The following CDH6 variants were observed in gnomAD, a reference collection of about 807,000 sequenced individuals.
CDH6 encodes cadherin 6.
Under a neutral mutation model 78.0 loss-of-function variants are expected in CDH6, and 31 were observed. The ratio of observed to expected loss-of-function variants is 0.40; its 90% confidence interval spans 0.30 to 0.54. The LOEUF is 0.54. Among genes scored for constraint, CDH6 ranks in the 20% least tolerant of loss-of-function variants. The pLI is 0.56. For synonymous variants in CDH6, 376 were observed against 368.8 expected, an observed-to-expected ratio of 1.02 and a Z score of -0.23; for missense variants, 724 against 975.9, an observed-to-expected ratio of 0.74 and a Z score of 3.44.
chr5:31,301,446 A>T (rs984824101), intron 5 of CDH6, among the ~76,000 whole-genome samples: 3 of 152,146 alleles, frequency 2.0e-5, no homozygotes, highest in African/African-American at 4.8e-5. Context: ...TATTTTTTTT[A>T]AAAAGTGTCT....
intron 1 of CDH6, among the ~76,000 whole-genome samples, chr5:31,240,603 G>A (rs557574852): frequency 1.3e-5 from 2 of 152,204 alleles, no homozygotes; most frequent in East Asian, 1.9e-4. Flanking sequence ...GGAAAACTTC[G>A]CTCTACTCAG....
rs149627430 is a variant in CDH6 at position 31,221,614 on chromosome 5, G to C, written c.-129+27728G>C. On this transcript the variant is annotated intron_variant, in intron 1 of 11. Transcript: ENST00000265071. The stretch of plus-strand genomic sequence containing the variant: ...TCGTGGAAGAAATTGGAAGGAATCA[G>C]AAAGCCTGGCTTAGAGTTATGATGA... 2.6e-3 allele frequency among the ~76,000 whole-genome samples: 403 copies of C among 152,300 alleles called. 5 individuals are homozygous for C. Among genetic ancestry groups the C allele is most frequent in the African/African-American group, 9.5e-3 (395 of 41,574 alleles).
intron 3 of CDH6, among the ~76,000 whole-genome samples, chr5:31,296,417 C>A (rs760115409): frequency 1.1e-4 from 17 of 152,074 alleles, no homozygotes; most frequent in African/African-American, 4.1e-4. Context: ...GATTATTAGG[C>A]AACTGTGGGG....
At chr5:31,297,021 C>T (rs778498338) in intron 3 of CDH6, among the ~76,000 whole-genome samples, 1 of 152,078 alleles carries the variant, frequency 6.6e-6, no homozygotes, top group Admixed American at 6.6e-5. Flanking sequence ...CCAGTCAAAT[C>T]CCGCCATTGG....
chr5:31,282,569 G>A (rs1742891157), intron 2 of CDH6, among the ~76,000 whole-genome samples: 1 of 152,130 alleles, frequency 6.6e-6, no homozygotes, highest in Non-Finnish European at 1.5e-5. Context: ...GATCACATGT[G>A]TAAAGTTCTT....
At position 31,324,099 on chromosome 5, in the gene CDH6, G is replaced by A; in HGVS notation, c.*791G>A. 1 of 221,794 alleles carries A rather than the reference G, an allele frequency of 4.5e-6. No individual in the cohort carries two copies. Among genetic ancestry groups the A allele is most frequent in the Non-Finnish European group, 9.0e-6 (1 of 111,084 alleles). The allele number at this position is 221,794 out of a possible 1,614,324, so 13.7% of individuals were successfully genotyped here. On this transcript the variant is annotated 3_prime_UTR_variant, in exon 12 of 12. Coordinates refer to ENST00000265071, the MANE Select transcript of CDH6 (RefSeq NM_004932.4). ...TATTTTACCATACATTTAAAGTTTT[G>A]GCCACCACATGTATCACGGGTCACT...
intron 1 of CDH6, among the ~76,000 whole-genome samples, chr5:31,265,560 T>A (rs1289858626): frequency 6.6e-6 from 1 of 152,118 alleles, no homozygotes; most frequent in Non-Finnish European, 1.5e-5. Flanking sequence ...ACAAAAACCT[T>A]GTCACATATA....
chr5:31,204,668 T>A (rs1166391925), intron 1 of CDH6, among the ~76,000 whole-genome samples: 1 of 152,224 alleles, frequency 6.6e-6, no homozygotes, highest in Non-Finnish European at 1.5e-5. Flanking sequence ...TTTTCTCTTT[T>A]TTCTTTGTAT....
At chr5:31,278,042 A>G (rs1742746841) in intron 2 of CDH6, among the ~76,000 whole-genome samples, 1 of 152,154 alleles carries the variant, frequency 6.6e-6, no homozygotes, top group South Asian at 2.1e-4. Context: ...TTTAAGATCT[A>G]TTCCCTTAGC....
At chr5:31,311,703 G>A (rs573057511) in intron 7 of CDH6, among the ~76,000 whole-genome samples, 19 of 152,270 alleles carry the variant, frequency 1.2e-4, no homozygotes, top group South Asian at 6.2e-4. Context: ...TAATCATGGC[G>A]AAATGTAAAG....
At chr5:31,198,992 C>T (rs1044157500) in intron 1 of CDH6, among the ~76,000 whole-genome samples, 2 of 152,120 alleles carry the variant, frequency 1.3e-5, no homozygotes, top group East Asian at 3.9e-4. Flanking sequence ...TTCCTTAGTG[C>T]ATTGAAGAAT....
At position 31,323,888 on chromosome 5, in the gene CDH6, T is replaced by A. The variant is rs191955990; in HGVS notation, c.*580T>A. On this transcript the variant is annotated 3_prime_UTR_variant, in exon 12 of 12. Coordinates refer to ENST00000265071, the MANE Select transcript of CDH6 (RefSeq NM_004932.4). ...CTCAAATCCACCCATATGTTAAAATTCTCATTACTCTTAAGGAATAGAAGC... is the reference window on the plus strand; with the variant it reads ...CTCAAATCCACCCATATGTTAAAATACTCATTACTCTTAAGGAATAGAAGC... 2 of 229,498 alleles carry A rather than the reference T, an allele frequency of 8.7e-6. No homozygotes were observed. Among genetic ancestry groups the A allele is most frequent in the Admixed American group, 1.1e-4 (2 of 17,708 alleles). The allele number at this position is 229,498 out of a possible 1,614,324, so 14.2% of individuals were successfully genotyped here.
intron 11 of CDH6, 151 bp downstream of exon 11, chr5:31,318,075 T>C (rs1364143989): frequency 1.1e-6 from 1 of 945,274 alleles, no homozygotes; most frequent in South Asian, 1.4e-5. Flanking sequence ...CTGTACGATG[T>C]GAACTCATTT....
chr5:31,240,304 A>G, intron 1 of CDH6, among the ~76,000 whole-genome samples: 1 of 152,210 alleles, frequency 6.6e-6, no homozygotes, highest in Non-Finnish European at 1.5e-5. Flanking sequence ...TTACAGTCCT[A>G]TGAAACACAC....
intron 2 of CDH6, among the ~76,000 whole-genome samples, chr5:31,275,441 G>A (rs1561053731): frequency 3.3e-5 from 5 of 152,154 alleles, no homozygotes; most frequent in African/African-American, 7.2e-5. Flanking sequence ...GCTTATAAGT[G>A]AGAACATGCC....
intron 1 of CDH6, among the ~76,000 whole-genome samples, chr5:31,217,651 A>G (rs1740903963): frequency 6.6e-6 from 1 of 152,118 alleles, no homozygotes. Flanking sequence ...AACCTCAAAG[A>G]ACTGAATGGT....
In CDH6 at chr5:31,317,812, A is replaced by G. The variant is rs756666660; in HGVS notation, c.1770A>G (p.Ala590=). ...GGACAGTGACTGTCCGGGTCTGTGC[A>G]TGTGACCACCACGGGAACATGCAAT... The part of the protein sequence containing the change: ...STGTVTVRVC[A]CDHHGNMQSC... The change falls in exon 11 of 12, where the codon GCA becomes GCG. Residue 590 remains alanine, a synonymous_variant. Transcript: ENST00000265071. The G allele has an allele frequency of 7.4e-6, 12 of 1,614,022 alleles. No homozygotes were observed. The East Asian group carries it at 2.7e-4, about 36-fold the overall frequency.
At chr5:31,276,743 G>C (rs924885666) in intron 2 of CDH6, among the ~76,000 whole-genome samples, 15 of 152,196 alleles carry the variant, frequency 9.9e-5, no homozygotes, top group Non-Finnish European at 2.2e-4. Flanking sequence ...CTGCACTTCT[G>C]ACTACGTGTG....
At chr5:31,250,056 C>T (rs150436782) in intron 1 of CDH6, 8 of 152,254 alleles carry the variant, frequency 5.3e-5, no homozygotes, top group African/African-American at 1.9e-4. Flanking sequence ...ACACCTCAGA[C>T]AGAGTCTACT....
Sources: allele counts gnomAD v4.1 joint callset (sites outside exome capture counted in the v4.1 genomes callset), GRCh38; gene constraint gnomAD v4.1.1; transcripts MANE v1.5; gene names NCBI Gene and HGNC (gene_info 2026-07-23, HGNC 2026-07-21).